The following KMT2C variants were observed in gnomAD, a reference collection of about 807,000 sequenced individuals.
KMT2C encodes histone-lysine N-methyltransferase 2C.
A neutral mutation model predicts 507.9 loss-of-function variants in KMT2C; 88 were observed. The observed-to-expected ratio is 0.17, with a 90% CI of 0.15 to 0.21. The LOEUF (loss-of-function observed/expected upper bound fraction) is 0.21, where lower values mean the gene tolerates loss of function less well. KMT2C is among the 10% of genes least tolerant of loss of function. KMT2C has a pLI of 1.00. For synonymous variants in KMT2C, 2,049 were observed against 2,080.8 expected, an observed-to-expected ratio of 0.98 and a Z score of 0.42; for missense variants, 4,954 against 5,957.8, an observed-to-expected ratio of 0.83 and a Z score of 5.55.
intron 6 of KMT2C, among the ~76,000 whole-genome samples, chr7:152,286,607 C>T (rs1588913457): frequency 6.6e-6 from 1 of 152,084 alleles, no homozygotes; most frequent in East Asian, 1.9e-4. Context: ...ACTTCCACTT[C>T]CAGACAAAAT....
At chr7:152,156,660 T>A (rs1405644923) in intron 44 of KMT2C, among the ~76,000 whole-genome samples, 2 of 152,208 alleles carry the variant, frequency 1.3e-5, no homozygotes, top group Non-Finnish European at 2.9e-5. Flanking sequence ...TGGTTATAGC[T>A]AGTGAAGGAT....
intron 43 of KMT2C, among the ~76,000 whole-genome samples, chr7:152,159,682 A>G (rs554172242): frequency 6.6e-6 from 1 of 152,360 alleles, no homozygotes; most frequent in South Asian, 2.1e-4. Context: ...AACGTAGATG[A>G]TAACAAATAA....
rs764044361 is a variant in KMT2C, at chr7:152,174,441, A to C, written c.9263-199T>G. On this transcript the variant is annotated intron_variant, in intron 38 of 58. Coordinates refer to ENST00000262189, the MANE Select transcript of KMT2C (RefSeq NM_170606.3). ...TGCTTTAATACCTTAGTCCTGCAGG[A>C]ATTAAAACAAAAAGTCAAGTTTAAG... is the stretch of plus-strand genomic sequence containing the variant. 9.9e-5 allele frequency among the ~76,000 whole-genome samples: 15 copies of C among 152,216 alleles called. 1 individual carries two copies. The highest frequency in any genetic ancestry group is 2.1e-4 in the Non-Finnish European group (14 of 68,044).
chr7:152,162,149 G>A lies in KMT2C; in HGVS notation c.11428C>T (p.Leu3810=), dbSNP rs760748196. The A allele has an allele frequency of 6.3e-7, 1 of 1,584,660 alleles. No individual in the cohort carries two copies. Among genetic ancestry groups the A allele is most frequent in the Non-Finnish European group, 8.6e-7 (1 of 1,168,142 alleles). The change falls in exon 43 of 59, where the codon CTA becomes TTA. Residue 3810 remains leucine (L), a synonymous_variant. Transcript: ENST00000262189. ...SEDDCTKDNK[L]VEKQNPAEGL... is the part of the protein sequence containing the mutation. ...TCAGCTGGGTTCTGCTTCTCAACTAGTTTATTATCCTTTGTACAGTCATCT... is the reference window on the plus strand; with the variant it reads ...TCAGCTGGGTTCTGCTTCTCAACTAATTTATTATCCTTTGTACAGTCATCT...
chr7:152,221,998 T>C lies in KMT2C; in HGVS notation c.3499+3A>G, dbSNP rs2094787335. ...AAATCAAGTAAAGCATTTCAAATTT[T>C]ACCTAGCTCTTTTACTTTTGTGACA... is the stretch of plus-strand genomic sequence containing the variant. On this transcript the variant is annotated splice_donor_region_variant and intron_variant, in intron 22 of 58. Transcript: ENST00000262189. The C allele has an allele frequency of 6.3e-7, 1 of 1,599,680 alleles. No individual in the cohort carries two copies. The highest frequency in any genetic ancestry group is 1.7e-5 in the Admixed American group (1 of 58,462).
At chr7:152,299,191 G>A (rs1205168201) in intron 6 of KMT2C, among the ~76,000 whole-genome samples, 21 of 151,690 alleles carry the variant, frequency 1.4e-4, no homozygotes, top group African/African-American at 4.8e-4. Context: ...GGTGGTGCAC[G>A]TCTGTAATCC....
In KMT2C at chr7:152,248,355, A is replaced by C; in HGVS notation, c.2079T>G (p.Thr693=). ...RPPKLVMESV[T]LPLETLVSPH... The stretch of plus-strand genomic sequence containing the variant: ...GGGACACTAAGGTTTCTAGTGGAAG[A>C]GTGACAGATTCCATGACTAATTTTG... The change falls in exon 14 of 59, where the codon ACT becomes ACG. Residue 693 remains threonine (T), a synonymous_variant. Transcript: ENST00000262189. The C allele has an allele frequency of 6.2e-7, 1 of 1,613,970 alleles. No individual in the cohort carries two copies. Among genetic ancestry groups the C allele is most frequent in the East Asian group, 2.2e-5 (1 of 44,868 alleles).
intron 6 of KMT2C, among the ~76,000 whole-genome samples, chr7:152,299,318 A>AT (rs1338293917): frequency 1.7e-4 from 25 of 143,164 alleles, no homozygotes; most frequent in Admixed American, 1.0e-3. Context: ...CTCTATCTCA[A>AT]AAAATAAATA....
At position 152,150,970 on chromosome 7, in the gene KMT2C, A is replaced by G; in HGVS notation, c.12704T>C (p.Ile4235Thr). The change falls in exon 51 of 59, where the codon ATT (isoleucine) becomes ACT (threonine). Residue 4235 changes from isoleucine (I) to threonine (T), a missense_variant. Physicochemically the swap from Ile to Thr is moderately conservative, Grantham distance 89. This residue lies in a region of KMT2C where 417 missense variants were observed against 461.1 expected (regional missense o/e 0.90). Coordinates refer to ENST00000262189, the MANE Select transcript of KMT2C (RefSeq NM_170606.3). ...AAAGCAGTTATTACTACAGAAGACA[A>G]TGTCCTTCTCTACCCTCTTGGTGCT... Reference protein sequence around the residue: ...RESTKRVEKDIVFCSNNCFIL... With the variant: ...RESTKRVEKDTVFCSNNCFIL... 1.2e-6 allele frequency: 2 copies of G among 1,613,312 alleles called. No homozygotes were observed. The highest frequency in any genetic ancestry group is 1.7e-6 in the Non-Finnish European group (2 of 1,179,408).
At chr7:152,313,664 C>T (rs1408391490) in intron 4 of KMT2C, among the ~76,000 whole-genome samples, 1 of 152,066 alleles carries the variant, frequency 6.6e-6, no homozygotes, top group East Asian at 1.9e-4. Context: ...TAGCAACATA[C>T]ATTTTGTAAA....
chr7:152,204,591 CTAGA>C (rs57456614), intron 25 of KMT2C, among the ~76,000 whole-genome samples: 55,029 of 143,156 alleles, frequency 0.38, 10,801 homozygotes, highest in Admixed American at 0.44. Flanking sequence ...AGTGAGACCC[CTAGA>C]TAGATAGATA....
intron 26 of KMT2C, among the ~76,000 whole-genome samples, chr7:152,201,301 C>CAG (rs925935854): frequency 2.8e-5 from 4 of 145,190 alleles, no homozygotes; most frequent in South Asian, 2.1e-4. Context: ...CAGACACACA[C>CAG]ACACACACAC....
At chr7:152,339,541 ATTGT>A (rs952821917) in intron 2 of KMT2C, among the ~76,000 whole-genome samples, 2 of 152,176 alleles carry the variant, frequency 1.3e-5, no homozygotes, top group Non-Finnish European at 2.9e-5. Context: ...TTTCAATGCA[ATTGT>A]TTATCTTTGT....
intron 9 of KMT2C, among the ~76,000 whole-genome samples, chr7:152,255,108 C>CTTATATATATATATATATATATAT (rs2095624745): frequency 1.6e-5 from 1 of 60,678 alleles, no homozygotes; most frequent in East Asian, 5.4e-4. Context: ...TCAACTCTCA[C>CTTATATATATATATATATATATAT]TTATATATAT....
chr7:152,181,136 C>T lies in KMT2C; in HGVS notation c.6724G>A (p.Val2242Ile). The change falls in exon 36 of 59, where the codon GTC (valine) becomes ATC (isoleucine). Residue 2242 changes from valine to isoleucine, a missense_variant. By Grantham distance (29) the Val-to-Ile change is conservative. Transcript: ENST00000262189. The stretch of plus-strand genomic sequence containing the variant: ...AAAGGATCCTGATTTGGCATGAGGA[C>T]TGGTCTTGTCATTGAGGACCTAGTA... ...GFTRSSMTRPVLMPNQDPFLQ... is the reference protein window; with the variant it reads ...GFTRSSMTRPILMPNQDPFLQ... 1 of 1,614,176 alleles carries T rather than the reference C, an allele frequency of 6.2e-7. No individual in the cohort carries two copies. The highest frequency in any genetic ancestry group is 8.5e-7 in the Non-Finnish European group (1 of 1,180,040).
At position 152,149,260 on chromosome 7, in the gene KMT2C, C is replaced by G. The variant is rs550854524; in HGVS notation, c.12775-108G>C. 81 of 1,052,902 alleles carry G rather than the reference C, an allele frequency of 7.7e-5. No individual in the cohort carries two copies. In the African/African-American group the frequency reaches 1.1e-3, roughly 15 times the overall value. 65.2% of individuals were successfully genotyped at this position (1,052,902 alleles called of 1,614,324 possible). The stretch of plus-strand genomic sequence containing the variant: ...AGTATGACTGAAGAGGATGGGTGAC[C>G]TGAGGGGCAGAGGGAGAGTCAGCAG... On this transcript the variant is annotated intron_variant, in intron 51 of 58. Transcript: ENST00000262189.
chr7:152,359,964 G>A (rs935400517), intron 1 of KMT2C, among the ~76,000 whole-genome samples: 2 of 146,076 alleles, frequency 1.4e-5, no homozygotes, highest in South Asian at 2.2e-4. Context: ...CACAAGAATC[G>A]CTTGAACCTG....
chr7:152,356,617 G>A (rs752208654), intron 2 of KMT2C, among the ~76,000 whole-genome samples: 8 of 150,004 alleles, frequency 5.3e-5, no homozygotes, highest in East Asian at 2.0e-4. Context: ...CAGGCACGGC[G>A]CGGTGACTCA....
At chr7:152,398,927 A>C (rs1219250641) in intron 1 of KMT2C, among the ~76,000 whole-genome samples, 3 of 152,126 alleles carry the variant, frequency 2.0e-5, no homozygotes, top group Non-Finnish European at 4.4e-5. Flanking sequence ...TCCTGGGCTC[A>C]AGGGATCCTC....
Sources: allele counts gnomAD v4.1 joint callset (sites outside exome capture counted in the v4.1 genomes callset), GRCh38; gene constraint gnomAD v4.1.1; regional missense constraint gnomAD v4.1.1; transcripts MANE v1.5; gene names NCBI Gene and HGNC (gene_info 2026-07-23, HGNC 2026-07-21).